Variants in INPP5A observed in about 807,000 individuals in gnomAD.
INPP5A encodes the protein inositol polyphosphate-5-phosphatase A, also known as 43 kDa inositol polyphosphate 5-phophatase.
In INPP5A, 14 loss-of-function variants were observed where a neutral mutation model predicts 65.2. The observed-to-expected ratio is 0.21, with a 90% CI of 0.14 to 0.34. The LOEUF is 0.34. Ranked by LOEUF, INPP5A falls within the 10% of genes least tolerant of loss-of-function variation. The pLI is 1.00. For missense variants in INPP5A, 431 were observed against 545.6 expected, an observed-to-expected ratio of 0.79 and a Z score of 2.09; for synonymous variants, 207 against 208.3, an observed-to-expected ratio of 0.99 and a Z score of 0.05.
At chr10:132,608,590 C>T (rs985234766) in intron 2 of INPP5A, among the ~76,000 whole-genome samples, 5 of 152,118 alleles carry the variant, frequency 3.3e-5, no homozygotes, top group African/African-American at 7.2e-5. Flanking sequence ...TGTGGGGTGG[C>T]GCCAGAGGCC....
At chr10:132,586,639 G>A (rs1161697297) in intron 1 of INPP5A, among the ~76,000 whole-genome samples, 2 of 152,366 alleles carry the variant, frequency 1.3e-5, no homozygotes, top group Non-Finnish European at 2.9e-5. Context: ...GGAATCTGGA[G>A]TGAAATGGCT....
At position 132,676,656 on chromosome 10, in the gene INPP5A, G is replaced by A. The variant is rs371144349; in HGVS notation, c.307-13736G>A. 1.3e-5 allele frequency among the ~76,000 whole-genome samples: 2 copies of A among 152,130 alleles called. No homozygotes were observed. Among genetic ancestry groups the A allele is most frequent in the East Asian group, 3.9e-4 (2 of 5,194 alleles). On this transcript the variant is annotated intron_variant, in intron 4 of 15. Coordinates refer to ENST00000368594, the MANE Select transcript of INPP5A (RefSeq NM_005539.5). The surrounding 1 kb of genome is among the most constrained non-coding windows in gnomAD (Gnocchi z 4.0). Reference sequence around the variant, plus strand: ...CGCTCCCTGCGCCCCTGATGAGATGGCAGCCCTGGGCACCTGTGGCTGCTC... The same window carrying A: ...CGCTCCCTGCGCCCCTGATGAGATGACAGCCCTGGGCACCTGTGGCTGCTC...
chr10:132,682,032 G>A (rs2073053663), intron 4 of INPP5A, among the ~76,000 whole-genome samples: 1 of 152,222 alleles, frequency 6.6e-6, no homozygotes, highest in African/African-American at 2.4e-5. Context: ...GCCAGGGGCT[G>A]GGGAGAGCGG....
intron 2 of INPP5A, among the ~76,000 whole-genome samples, chr10:132,641,102 G>A (rs1332187545): frequency 3.9e-5 from 6 of 152,190 alleles, no homozygotes; most frequent in Non-Finnish European, 8.8e-5. Flanking sequence ...TAAAATGGCT[G>A]TATTCTAATT....
intron 1 of INPP5A, among the ~76,000 whole-genome samples, chr10:132,598,203 G>T (rs1206809662): frequency 1.3e-5 from 2 of 152,180 alleles, no homozygotes; most frequent in African/African-American, 2.4e-5. Context: ...CTTGAGTGGC[G>T]CTGTGGCGAT....
chr10:132,647,263 C>A (rs2072510103), intron 3 of INPP5A, among the ~76,000 whole-genome samples: 1 of 151,942 alleles, frequency 6.6e-6, no homozygotes, highest in African/African-American at 2.4e-5. Context: ...CTACAGGTGC[C>A]CACCACCACA....
At chr10:132,696,800 C>G (rs146270969) in intron 5 of INPP5A, among the ~76,000 whole-genome samples, 33 of 152,122 alleles carry the variant, frequency 2.2e-4, no homozygotes, top group African/African-American at 4.8e-4. Flanking sequence ...GCACCCAGGG[C>G]CAGGTCAGAC....
chr10:132,766,908 G>C (rs1447350604), intron 12 of INPP5A, among the ~76,000 whole-genome samples: 1 of 146,682 alleles, frequency 6.8e-6, no homozygotes, highest in Non-Finnish European at 1.5e-5. Context: ...AGGGAGCTTG[G>C]GTGGGCTTGG....
rs549951108 is a variant in INPP5A, at chr10:132,714,788, G to C, written c.647+4332G>C. On this transcript the variant is annotated intron_variant, in intron 8 of 15. Transcript: ENST00000368594. ...GAAGCAGCCCCAGGGCGAGTGCTGC[G>C]GGGTGCCTGCCACCACCACAGCCAG... Among the ~76,000 whole-genome samples the C allele has an allele frequency of 2.4e-4, 36 of 152,362 alleles. No individual in the cohort carries two copies. The East Asian group carries it at 6.4e-3, about 27-fold the overall frequency.
intron 1 of INPP5A, among the ~76,000 whole-genome samples, chr10:132,600,968 G>A (rs1403176806): frequency 1.3e-5 from 2 of 152,168 alleles, no homozygotes; most frequent in African/African-American, 4.8e-5. Flanking sequence ...AGATTTGGGT[G>A]GGGACACAGC....
intron 4 of INPP5A, among the ~76,000 whole-genome samples, chr10:132,669,910 C>T (rs967095505): frequency 1.3e-5 from 2 of 151,960 alleles, no homozygotes; most frequent in Non-Finnish European, 2.9e-5. Flanking sequence ...AGGGTGCAGC[C>T]CTGCACAGCC....
chr10:132,709,916 A>G (rs1330967209), intron 7 of INPP5A, among the ~76,000 whole-genome samples: 2 of 152,138 alleles, frequency 1.3e-5, no homozygotes, highest in Admixed American at 6.5e-5. Flanking sequence ...TTGGGAGTGA[A>G]ATGAAGCACT....
At chr10:132,688,637 G>A (rs1451104283) in intron 4 of INPP5A, among the ~76,000 whole-genome samples, 1 of 151,824 alleles carries the variant, frequency 6.6e-6, no homozygotes, top group African/African-American at 2.4e-5. Flanking sequence ...GTGCGTGCGT[G>A]TGCATGAGTG....
chr10:132,745,419 G>A (rs1373130105), intron 9 of INPP5A, among the ~76,000 whole-genome samples: 1 of 152,190 alleles, frequency 6.6e-6, no homozygotes, highest in African/African-American at 2.4e-5. Flanking sequence ...GTGGCAGGAG[G>A]GGCATCTCCC....
chr10:132,602,994 C>G (rs893376384), intron 1 of INPP5A, among the ~76,000 whole-genome samples: 1 of 152,172 alleles, frequency 6.6e-6, no homozygotes, highest in African/African-American at 2.4e-5. Context: ...TCTTCTGAAT[C>G]TATCTGGAGT....
Position 132,719,368 on chromosome 10 carries a change from C to T in INPP5A, c.648-7453C>T, listed in dbSNP as rs561129395. On this transcript the variant is annotated intron_variant, in intron 8 of 15. Transcript: ENST00000368594. ...CTGGGTTCTGTCTGGGCGCCTTAGA[C>T]GGCTGTCTTGCGGGTTCTGTGGTAC... Among the ~76,000 whole-genome samples, 97 of 149,736 alleles carry T rather than the reference C, an allele frequency of 6.5e-4. 1 individual carries two copies. The highest frequency in any genetic ancestry group is 4.7e-3 in the Admixed American group (71 of 15,008).
intron 11 of INPP5A, among the ~76,000 whole-genome samples, chr10:132,757,151 A>G (rs1045344238): frequency 6.6e-6 from 1 of 152,238 alleles, no homozygotes; most frequent in Non-Finnish European, 1.5e-5. Context: ...ACATTTCAGT[A>G]CATTATGTTA....
At chr10:132,760,282 C>T (rs12255368) in intron 11 of INPP5A, among the ~76,000 whole-genome samples, 3,887 of 152,290 alleles carry the variant, frequency 0.026, 153 homozygotes, top group African/African-American at 0.086. Context: ...GCACCGAGGA[C>T]TGGGGGTGCT....
intron 2 of INPP5A, among the ~76,000 whole-genome samples, chr10:132,630,828 A>G (rs2072260433): frequency 6.6e-6 from 1 of 152,088 alleles, no homozygotes. Flanking sequence ...TGCTTCTTAA[A>G]CTAGAGCTGA....
Sources: gnomAD v4.1 joint callset for allele counts (sites outside exome capture counted in the v4.1 genomes callset) on GRCh38, gnomAD v4.1.1 for gene constraint, Gnocchi (gnomAD v3.1) non-coding constraint, MANE v1.5 for transcripts, NCBI Gene and HGNC (gene_info 2026-07-23, HGNC 2026-07-21) for gene names.